DCC: variants seen among roughly 807,000 people sequenced by gnomAD.
The protein encoded by DCC is DCC netrin 1 receptor.
In DCC, 58 loss-of-function variants were observed where a neutral mutation model predicts 172.5. The observed-to-expected ratio is 0.34, with a 90% CI of 0.27 to 0.42. The LOEUF is 0.42. Among genes scored for constraint, DCC ranks in the 10% least tolerant of loss-of-function variants. The pLI, the probability that DCC is intolerant of heterozygous loss-of-function variation, is 1.00. For synonymous variants in DCC, 709 were observed against 644.5 expected, an observed-to-expected ratio of 1.10 and a Z score of -1.52; for missense variants, 1,740 against 1,791.0, an observed-to-expected ratio of 0.97 and a Z score of 0.51.
intron 9 of DCC, among the ~76,000 whole-genome samples, chr18:53,194,415 G>A (rs768298590): frequency 1.3e-5 from 2 of 152,136 alleles, no homozygotes; most frequent in African/African-American, 4.8e-5. Context: ...TTCTATCAGG[G>A]ACTCTGTTGG....
intron 8 of DCC, among the ~76,000 whole-genome samples, chr18:53,157,866 T>C (rs547980814): frequency 3.9e-5 from 6 of 152,332 alleles, no homozygotes; most frequent in Non-Finnish European, 7.3e-5. Flanking sequence ...ATTTCTGTCA[T>C]TGACATCACA....
intron 12 of DCC, among the ~76,000 whole-genome samples, chr18:53,264,523 G>C (rs1354472619): frequency 6.6e-6 from 1 of 151,190 alleles, no homozygotes; most frequent in African/African-American, 2.4e-5. Flanking sequence ...GAAACACAGT[G>C]GTACCTCCTA....
intron 1 of DCC, among the ~76,000 whole-genome samples, chr18:52,682,539 C>A (rs2035765575): frequency 6.6e-6 from 1 of 152,124 alleles, no homozygotes; most frequent in Admixed American, 6.6e-5. Flanking sequence ...CGGGCAGGAA[C>A]TAGATCATGC....
chr18:53,059,173 G>A (rs904631388), intron 5 of DCC, among the ~76,000 whole-genome samples: 6 of 152,052 alleles, frequency 3.9e-5, no homozygotes, highest in Admixed American at 1.3e-4. Context: ...AGAACAGCAC[G>A]AGGGTAACTG....
At chr18:53,348,252 C>T (rs1160157929) in intron 15 of DCC, among the ~76,000 whole-genome samples, 3 of 152,136 alleles carry the variant, frequency 2.0e-5, no homozygotes, top group Admixed American at 1.3e-4. Flanking sequence ...TTGGCCAAAA[C>T]AAAGGGCTAT....
chr18:53,487,810 CATA>C, intron 26 of DCC, among the ~76,000 whole-genome samples: 1 of 152,218 alleles, frequency 6.6e-6, no homozygotes, highest in East Asian at 1.9e-4. Context: ...TCTCACTGCA[CATA>C]ATATCTACAG....
intron 2 of DCC, among the ~76,000 whole-genome samples, chr18:52,841,643 A>G (rs143110436): frequency 6.6e-6 from 1 of 152,144 alleles, no homozygotes; most frequent in African/African-American, 2.4e-5. Flanking sequence ...CTGAAAAAAA[A>G]TAGGTTCACT....
chr18:52,933,152 G>C (rs550238737), intron 5 of DCC, among the ~76,000 whole-genome samples: 1 of 152,172 alleles, frequency 6.6e-6, no homozygotes, highest in South Asian at 2.1e-4. Context: ...AATGAATATA[G>C]TTTCTAGTCC....
chr18:53,168,705 A>G (rs2054964229), intron 8 of DCC, among the ~76,000 whole-genome samples: 1 of 152,180 alleles, frequency 6.6e-6, no homozygotes, highest in South Asian at 2.1e-4. Context: ...TGTATCCCAG[A>G]ACTTAAAGTG....
At chr18:52,783,291 A>T (rs562861868) in intron 2 of DCC, among the ~76,000 whole-genome samples, 76 of 138,436 alleles carry the variant, frequency 5.5e-4, no homozygotes, top group African/African-American at 2.2e-3. Context: ...GCATATGTTT[A>T]TCCAGAACTA....
chr18:53,359,407 C>G (rs1052101894), intron 15 of DCC, among the ~76,000 whole-genome samples: 1 of 152,018 alleles, frequency 6.6e-6, no homozygotes, highest in Non-Finnish European at 1.5e-5. Context: ...TTTGTTTTAG[C>G]CTTCTCTTCT....
chr18:52,563,778 C>T (rs2033094027), intron 1 of DCC, among the ~76,000 whole-genome samples: 1 of 152,112 alleles, frequency 6.6e-6, no homozygotes, highest in African/African-American at 2.4e-5. Flanking sequence ...ATTGTATTAG[C>T]ACTTCCTGTT....
Position 53,101,993 on chromosome 18 carries a change from G to A in DCC, c.1261+35827G>A, listed in dbSNP as rs111732071. 1.5e-3 allele frequency among the ~76,000 whole-genome samples: 233 copies of A among 152,202 alleles called. 2 individuals carry two copies. The highest frequency in any genetic ancestry group is 5.3e-3 in the African/African-American group (222 of 41,552). On this transcript the variant is annotated intron_variant, in intron 7 of 28. Transcript: ENST00000442544. ...TCTGCTTTCAGGGAATGACAGACTC[G>A]GGAAAATAAGCAGGCCCTGCATTAA...
At chr18:52,817,605 T>C (rs912427585) in intron 2 of DCC, among the ~76,000 whole-genome samples, 3 of 152,158 alleles carry the variant, frequency 2.0e-5, no homozygotes, top group African/African-American at 7.2e-5. Context: ...TTCTAATATA[T>C]ATTTTCATCT....
chr18:52,920,204 T>G (rs1008485220), intron 3 of DCC, among the ~76,000 whole-genome samples: 3 of 151,988 alleles, frequency 2.0e-5, no homozygotes, highest in Admixed American at 1.3e-4. Context: ...AAAGGAGAAG[T>G]TGATAAGTTG....
rs190531450 is a variant in DCC, at chr18:52,348,844, C to T, written c.91+7966C>T. The stretch of plus-strand genomic sequence containing the variant: ...GAAAAGACATTCTTAGTCACTGTAA[C>T]ATTGTTGATTACCCTGAGCAAGTCC... On this transcript the variant is annotated intron_variant, in intron 1 of 28. Transcript: ENST00000442544. Among the ~76,000 whole-genome samples the T allele has an allele frequency of 1.5e-4, 23 of 152,276 alleles. 1 individual carries two copies. The highest frequency in any genetic ancestry group is 4.6e-4 in the Admixed American group (7 of 15,278).
At chr18:53,495,146 C>G (rs188867000) in intron 26 of DCC, among the ~76,000 whole-genome samples, 19 of 152,232 alleles carry the variant, frequency 1.2e-4, no homozygotes, top group African/African-American at 4.6e-4. Context: ...AATCCCAGCA[C>G]TTTGGGAGGC....
intron 2 of DCC, among the ~76,000 whole-genome samples, chr18:52,788,825 G>A (rs74764263): frequency 2.1e-3 from 315 of 152,220 alleles, no homozygotes; most frequent in African/African-American, 6.8e-3. Flanking sequence ...TATTGGTGCC[G>A]TTTTATAATG....
In DCC at chr18:52,586,082, CAAAAAAAAAAAAA is replaced by C. The variant is rs5824949; in HGVS notation, c.92-165958_92-165946del. Among the ~76,000 whole-genome samples, 28 of 73,238 alleles carry C rather than the reference CAAAAAAAAAAAAA, an allele frequency of 3.8e-4. No individual in the cohort carries two copies. In the East Asian group the frequency reaches 0.011, roughly 29 times the overall value. 48.0% of individuals were successfully genotyped at this position (73,238 alleles called of 152,430 possible). ...TGGGCGACAGAGCAAGACTCCGTCTCAAAAAAAAAAAAAAAAAAAAAAAAAACAAAAACACTGT... is the reference window on the plus strand; with the variant it reads ...TGGGCGACAGAGCAAGACTCCGTCTCAAAAAAAAAAAAACAAAAACACTGT... On this transcript the variant is annotated intron_variant, in intron 1 of 28. Coordinates refer to ENST00000442544, the MANE Select transcript of DCC (RefSeq NM_005215.4).
Sources: gnomAD v4.1 joint callset for allele counts (sites outside exome capture counted in the v4.1 genomes callset) on GRCh38, gnomAD v4.1.1 for gene constraint, MANE v1.5 for transcripts, NCBI Gene and HGNC (gene_info 2026-07-23, HGNC 2026-07-21) for gene names.